The following CDK12 variants were observed in gnomAD, a reference collection of about 807,000 sequenced individuals.
CDK12 encodes the protein cyclin dependent kinase 12, also known as cyclin-dependent kinase 12.
Under a neutral mutation model 133.8 loss-of-function variants are expected in CDK12, and 17 were observed. The observed-to-expected ratio is 0.13, with a 90% CI of 0.09 to 0.19. CDK12 has a LOEUF of 0.19. Among genes scored for constraint, CDK12 ranks in the 10% least tolerant of loss-of-function variants. CDK12 has a pLI of 1.00. For missense variants in CDK12, 1,508 were observed against 1,818.7 expected, an observed-to-expected ratio of 0.83 and a Z score of 3.11; for synonymous variants, 694 against 683.6, an observed-to-expected ratio of 1.02 and a Z score of -0.24.
chr17:39,476,116 A>T (rs549467031), intron 2 of CDK12, among the ~76,000 whole-genome samples: 2 of 149,760 alleles, frequency 1.3e-5, no homozygotes, highest in South Asian at 4.2e-4. Flanking sequence ...AAGCATCTTG[A>T]TGATTTTTTT....
chr17:39,468,206 T>C (rs980804933), intron 1 of CDK12, among the ~76,000 whole-genome samples: 1 of 152,114 alleles, frequency 6.6e-6, no homozygotes, highest in Non-Finnish European at 1.5e-5. Flanking sequence ...CCAATAATAA[T>C]TTTATATTTT....
chr17:39,488,233 CA>C (rs111700941), intron 2 of CDK12, among the ~76,000 whole-genome samples: 397 of 135,466 alleles, frequency 2.9e-3, no homozygotes, highest in Middle Eastern at 3.6e-3. Flanking sequence ...GTCCCTGTCT[CA>C]AAAAAAAAAA....
chr17:39,558,241 C>G (rs990888391), intron 3 of CDK12, among the ~76,000 whole-genome samples: 2 of 152,192 alleles, frequency 1.3e-5, no homozygotes, highest in African/African-American at 2.4e-5. Flanking sequence ...CCCAAGAAAT[C>G]AGTTACCCCA....
At chr17:39,519,381 T>C (rs2054021694) in intron 10 of CDK12, among the ~76,000 whole-genome samples, 1 of 134,142 alleles carries the variant, frequency 7.5e-6, no homozygotes, top group Non-Finnish European at 1.5e-5. Flanking sequence ...TGATCTTGGC[T>C]CACTGCAACC....
chr17:39,474,781 C>CTTT (rs893347738), intron 2 of CDK12, among the ~76,000 whole-genome samples: 1,826 of 94,042 alleles, frequency 0.019, 63 homozygotes, highest in African/African-American at 0.08. Flanking sequence ...ATGATGTTTC[C>CTTT]TTTTTTTTTT....
At chr17:39,505,242 A>G (rs1218153887) in intron 6 of CDK12, among the ~76,000 whole-genome samples, 1 of 120,456 alleles carries the variant, frequency 8.3e-6, no homozygotes, top group Non-Finnish European at 1.7e-5. Context: ...AAAAAAAAAA[A>G]AAGGCCAGGC....
intron 4 of CDK12, among the ~76,000 whole-genome samples, chr17:39,493,807 T>A (rs1165365114): frequency 6.6e-6 from 1 of 151,912 alleles, no homozygotes; most frequent in East Asian, 2.0e-4. Flanking sequence ...CCATCCTGGC[T>A]AACATGGTGA....
chr17:39,479,833 G>A (rs367718438), intron 2 of CDK12, among the ~76,000 whole-genome samples: 12 of 151,690 alleles, frequency 7.9e-5, no homozygotes, highest in East Asian at 5.8e-4. Flanking sequence ...CCTCATGTTG[G>A]CCAGGTTGGT....
chr17:39,464,387 A>AT (rs1406247094), intron 1 of CDK12, among the ~76,000 whole-genome samples: 12 of 131,092 alleles, frequency 9.2e-5, no homozygotes, highest in African/African-American at 1.6e-4. Flanking sequence ...TGCCTGGCTA[A>AT]TTTTTTTTTT....
intron 2 of CDK12, among the ~76,000 whole-genome samples, chr17:39,487,607 ATTTTTTTTTTT>A (rs887590343): frequency 8.3e-5 from 8 of 96,350 alleles, no homozygotes; most frequent in Non-Finnish European, 1.2e-4. Flanking sequence ...GCATGACACA[ATTTTTTTTTTT>A]TTTTTTTTTT....
intron 2 of CDK12, among the ~76,000 whole-genome samples, chr17:39,553,894 A>T (rs2056052002): frequency 6.6e-6 from 1 of 152,024 alleles, no homozygotes; most frequent in African/African-American, 2.4e-5. Context: ...AGCTCTGTGA[A>T]TGAAGGTCCC....
At position 39,532,148 on chromosome 17, in the gene CDK12, CGCTT is replaced by C. The variant is rs2054904008; in HGVS notation, c.*836_*839del. The C allele has an allele frequency of 4.3e-6, 1 of 229,988 alleles. No individual in the cohort carries two copies. The highest frequency in any genetic ancestry group is 2.3e-5 in the African/African-American group (1 of 43,538). The allele number at this position is 229,988 out of a possible 1,614,324, so 14.2% of individuals were successfully genotyped here. Reference sequence around the variant, plus strand: ...TCTCTCTCTCTCTCTCTCTCTGTCTCGCTTGCTCGCTCTCGCTGTTTCTCTCTCT... The same window carrying C: ...TCTCTCTCTCTCTCTCTCTCTGTCTCGCTCGCTCTCGCTGTTTCTCTCTCT... On this transcript the variant is annotated 3_prime_UTR_variant, in exon 14 of 14. Coordinates refer to ENST00000447079, the MANE Select transcript of CDK12 (RefSeq NM_016507.4).
intron 6 of CDK12, among the ~76,000 whole-genome samples, chr17:39,504,656 G>A (rs1445212892): frequency 6.6e-6 from 1 of 151,430 alleles, no homozygotes; most frequent in Admixed American, 6.6e-5. Flanking sequence ...AAGTGGGCAG[G>A]TCACTTGATG....
At chr17:39,565,023 C>T (rs2056520363), downstream of CDK12, 1 of 152,330 alleles carries the variant, frequency 6.6e-6, no homozygotes, top group South Asian at 2.1e-4. Flanking sequence ...ACAGCTGCTT[C>T]CAGGCTGGCA....
chr17:39,544,188 T>A (rs1488394048), upstream of CDK12: 5 of 477,252 alleles, frequency 1.0e-5, no homozygotes, highest in Non-Finnish European at 2.1e-5. Flanking sequence ...AGACCAAAGA[T>A]GTTCTTTGGT....
At chr17:39,472,519 C>T (rs1435961989) in intron 2 of CDK12, among the ~76,000 whole-genome samples, 1 of 151,416 alleles carries the variant, frequency 6.6e-6, no homozygotes, top group South Asian at 2.1e-4. Flanking sequence ...ACTAAAGATA[C>T]AAAAATTAGC....
chr17:39,496,072 C>T (rs1356285549), intron 5 of CDK12, among the ~76,000 whole-genome samples: 2 of 151,736 alleles, frequency 1.3e-5, no homozygotes, highest in Non-Finnish European at 2.9e-5. Context: ...CCACCACTCC[C>T]GGCTAATTTT....
intron 2 of CDK12, among the ~76,000 whole-genome samples, chr17:39,481,631 GCGCTCTCTCTCTCTCTCT>G (rs1354263058): frequency 1.8e-4 from 6 of 34,276 alleles, no homozygotes; most frequent in African/African-American, 2.3e-4. Context: ...GCTCGCTCGC[GCGCTCTCTCTCTCTCTCT>G]CTCTCTCTCT....
In CDK12 at chr17:39,532,088, C is replaced by T. The variant is rs2054877130; in HGVS notation, c.*772C>T. The T allele has an allele frequency of 1.4e-5, 3 of 210,198 alleles. No individual in the cohort carries two copies. The South Asian group carries it at 6.9e-4, about 48-fold the overall frequency. 13.0% of individuals were successfully genotyped at this position (210,198 alleles called of 1,614,324 possible). A position where few individuals can be genotyped will look rare whatever the true frequency, so the allele number is the denominator to read the frequency against. Reference sequence around the variant, plus strand: ...CTCTTTCCTTTTTTGCTGATGTGTGCTCTCTCTCTCTCTTTCTCTCTCTCT... The same window carrying T: ...CTCTTTCCTTTTTTGCTGATGTGTGTTCTCTCTCTCTCTTTCTCTCTCTCT... On this transcript the variant is annotated 3_prime_UTR_variant, in exon 14 of 14. Coordinates refer to ENST00000447079, the MANE Select transcript of CDK12 (RefSeq NM_016507.4).
Sources: allele counts gnomAD v4.1 joint callset (sites outside exome capture counted in the v4.1 genomes callset), GRCh38; gene constraint gnomAD v4.1.1; transcripts MANE v1.5; gene names NCBI Gene and HGNC (gene_info 2026-07-23, HGNC 2026-07-21).